The following SFMBT1 variants were observed in gnomAD, a reference collection of about 807,000 sequenced individuals.
The protein encoded by SFMBT1 is scm-like with four MBT domains protein 1.
Under a neutral mutation model 108.7 loss-of-function variants are expected in SFMBT1, and 32 were observed. The ratio of observed to expected loss-of-function variants is 0.29; its 90% CI spans 0.22 to 0.40. The LOEUF (loss-of-function observed/expected upper bound fraction) is 0.40, where lower values mean the gene tolerates loss of function less well. Among genes scored for constraint, SFMBT1 ranks in the 10% least tolerant of loss-of-function variants. The pLI, the probability that SFMBT1 is intolerant of heterozygous loss-of-function variation, is 1.00. For missense variants in SFMBT1, 816 were observed against 1,059.6 expected (o/e 0.77, Z 3.19); for synonymous variants, 348 against 369.5 (o/e 0.94, Z 0.67).
chr3:53,041,466 G>A (rs951961461), intron 1 of SFMBT1, among the ~76,000 whole-genome samples: 5 of 152,086 alleles, frequency 3.3e-5, no homozygotes, highest in African/African-American at 4.8e-5. Context: ...GGGAGGCCAA[G>A]GAGGGTGGAT....
chr3:52,984,457 C>T (rs1277664254), intron 1 of SFMBT1, among the ~76,000 whole-genome samples: 7 of 151,656 alleles, frequency 4.6e-5, no homozygotes, highest in South Asian at 4.2e-4. Flanking sequence ...TTACATTTCA[C>T]GTTCTCTAGG....
intron 1 of SFMBT1, among the ~76,000 whole-genome samples, chr3:53,037,399 G>A (rs1373331334): frequency 1.1e-4 from 16 of 152,198 alleles, no homozygotes; most frequent in Admixed American, 1.0e-3. Flanking sequence ...ATGCCTAGGA[G>A]AAGATCTAAG....
chr3:52,960,662 T>C (rs1703931396), intron 2 of SFMBT1, among the ~76,000 whole-genome samples: 1 of 152,206 alleles, frequency 6.6e-6, no homozygotes, highest in African/African-American at 2.4e-5. Flanking sequence ...CATGTCTGTG[T>C]ATATACCCAA....
chr3:53,045,582 G>A (rs1408052452), intron 1 of SFMBT1, among the ~76,000 whole-genome samples: 2 of 142,088 alleles, frequency 1.4e-5, no homozygotes, highest in African/African-American at 2.5e-5. Context: ...GCGCGGGACC[G>A]CGGGGCCGCG....
chr3:53,034,534 C>T (rs1003885624), intron 1 of SFMBT1, among the ~76,000 whole-genome samples: 4 of 151,318 alleles, frequency 2.6e-5, no homozygotes, highest in African/African-American at 9.7e-5. Context: ...GAGCCAAGAT[C>T]GCACCACTGT....
Position 52,974,662 on chromosome 3 carries a change from T to G in SFMBT1, c.-130-5404A>C, listed in dbSNP as rs148064286. ...GATAAAGTCAAGGTTTTAGTTCAAT[T>G]TTGCGAGAAAAATCTTAGCCACTCA... is the stretch of plus-strand genomic sequence containing the variant. On this transcript the variant is annotated intron_variant, in intron 1 of 20. Coordinates refer to ENST00000394752, the MANE Select transcript of SFMBT1 (RefSeq NM_016329.4). Among the ~76,000 whole-genome samples the G allele has an allele frequency of 3.9e-5, 6 of 151,938 alleles. No homozygotes were observed. The East Asian group carries it at 1.2e-3, about 29-fold the overall frequency.
At chr3:52,923,568 A>AAAAG (rs1161416350) in intron 10 of SFMBT1, among the ~76,000 whole-genome samples, 2 of 152,022 alleles carry the variant, frequency 1.3e-5, no homozygotes, top group African/African-American at 2.4e-5. Context: ...CAAAAAAAAA[A>AAAAG]AAAGAAAGAA....
chr3:53,035,367 C>T (rs1699836512), intron 1 of SFMBT1, among the ~76,000 whole-genome samples: 10 of 152,034 alleles, frequency 6.6e-5, no homozygotes, highest in Admixed American at 6.6e-4. Flanking sequence ...CTCTACTTGG[C>T]CTCAGTGTAG....
intron 1 of SFMBT1, among the ~76,000 whole-genome samples, chr3:53,012,117 G>C (rs1184112860): frequency 6.6e-6 from 1 of 152,168 alleles, no homozygotes; most frequent in Admixed American, 6.5e-5. Context: ...CTCTCACAAA[G>C]AGGAGTGCAC....
intron 5 of SFMBT1, among the ~76,000 whole-genome samples, chr3:52,932,914 A>T (rs1378520107): frequency 3.3e-5 from 5 of 152,184 alleles, no homozygotes; most frequent in East Asian, 3.8e-4. Context: ...CTGTCTTTAT[A>T]AAAAATTTAA....
Position 52,905,098 on chromosome 3 carries a change from T to A in SFMBT1, c.*38A>T, listed in dbSNP as rs778199358. 7.5e-6 allele frequency: 12 copies of A among 1,608,648 alleles called. No individual in the cohort carries two copies. In the South Asian group the frequency reaches 1.3e-4, roughly 18 times the overall value. On this transcript the variant is annotated 3_prime_UTR_variant, in exon 21 of 21. Coordinates refer to ENST00000394752, the MANE Select transcript of SFMBT1 (RefSeq NM_016329.4). The stretch of plus-strand genomic sequence containing the variant: ...AAGCAGGGTGAAGGATTTGCTGCAT[T>A]TGTGCTTCAAAGATCCAGCTCACTT...
At chr3:52,984,831 T>A (rs1704850144) in intron 1 of SFMBT1, among the ~76,000 whole-genome samples, 1 of 151,384 alleles carries the variant, frequency 6.6e-6, no homozygotes, top group Non-Finnish European at 1.5e-5. Context: ...GACCACCCTA[T>A]AAATCCCTGG....
At chr3:52,962,666 T>A (rs1241507264) in intron 2 of SFMBT1, among the ~76,000 whole-genome samples, 7 of 151,728 alleles carry the variant, frequency 4.6e-5, no homozygotes, top group Admixed American at 4.6e-4. Context: ...ATTAGCCAGG[T>A]GCATGGTGGC....
At chr3:52,906,918 A>C in intron 19 of SFMBT1, 151 bp downstream of exon 19, 1 of 910,252 alleles carries the variant, frequency 1.1e-6, no homozygotes, top group Non-Finnish European at 1.6e-6. Context: ...CATGTAAATC[A>C]CTGCATTTGG....
In SFMBT1 at chr3:52,963,139, G is replaced by A. The variant is rs530994814; in HGVS notation, c.28+5962C>T. Among the ~76,000 whole-genome samples the A allele has an allele frequency of 3.3e-5, 5 of 151,682 alleles. No homozygotes were observed. In the East Asian group the frequency reaches 5.9e-4, roughly 18 times the overall value. On this transcript the variant is annotated intron_variant, in intron 2 of 20. Transcript: ENST00000394752. ...CTTCCTAGCAGCTGGGATTACAGGC[G>A]CATACCACCATGCCCAGCTGATTTT...
Position 52,904,884 on chromosome 3 carries a change from C to T in SFMBT1, c.*252G>A. 2.5e-6 allele frequency: 1 copy of T among 398,976 alleles called. No individual in the cohort carries two copies. Among genetic ancestry groups the T allele is most frequent in the East Asian group, 4.2e-5 (1 of 23,648 alleles). The allele number at this position is 398,976 out of a possible 1,614,324, so 24.7% of individuals were successfully genotyped here. ...TTTCTTCTTATATAAGTCTTTTCCT[C>T]ACAACCTTTATTTTTTAAAAACTGC... On this transcript the variant is annotated 3_prime_UTR_variant, in exon 21 of 21. Coordinates refer to ENST00000394752, the MANE Select transcript of SFMBT1 (RefSeq NM_016329.4).
chr3:52,907,548 C>A lies in SFMBT1; in HGVS notation c.2085+7G>T, dbSNP rs760507547. ...AAGACATTACAGGCACATCACAGATCTCATACCTGGGGAGAGCCCGCTGGG... is the reference window on the plus strand; with the variant it reads ...AAGACATTACAGGCACATCACAGATATCATACCTGGGGAGAGCCCGCTGGG... On this transcript the variant is annotated splice_region_variant and intron_variant, in intron 18 of 20. Transcript: ENST00000394752. 4 of 1,610,778 alleles carry A rather than the reference C, an allele frequency of 2.5e-6. No homozygotes were observed. The highest frequency in any genetic ancestry group is 3.4e-6 in the Non-Finnish European group (4 of 1,178,586).
At chr3:52,930,224 G>A in intron 8 of SFMBT1, 105 bp downstream of exon 8, 1 of 724,390 alleles carries the variant, frequency 1.4e-6, no homozygotes, top group East Asian at 2.6e-5. Flanking sequence ...GGCCTAGAAG[G>A]AAAAATGGGT....
intron 1 of SFMBT1, among the ~76,000 whole-genome samples, chr3:52,980,185 G>A (rs992984847): frequency 3.9e-5 from 6 of 152,086 alleles, no homozygotes; most frequent in South Asian, 2.1e-4. Flanking sequence ...TCCCAGTCCT[G>A]AGAAATGTAA....
Sources: allele counts gnomAD v4.1 joint callset (sites outside exome capture counted in the v4.1 genomes callset), GRCh38; gene constraint gnomAD v4.1.1; transcripts MANE v1.5; gene names NCBI Gene and HGNC (gene_info 2026-07-23, HGNC 2026-07-21).